Variants in SNX29 observed in about 807,000 individuals in gnomAD.
SNX29 encodes sorting nexin-29.
In SNX29, 78 loss-of-function variants were observed where a neutral mutation model predicts 102.1. The observed-to-expected ratio is 0.76, with a 90% CI of 0.64 to 0.92. SNX29 has a LOEUF of 0.92. Among genes scored for constraint, SNX29 ranks in the 40% least tolerant of loss-of-function variants. SNX29 has a pLI of 0.00. For synonymous variants in SNX29, 580 were observed against 414.5 expected (o/e 1.40, Z -4.85); for missense variants, 1,280 against 1,061.7 (o/e 1.21, Z -2.86).
At chr16:12,228,577 T>C (rs987186100) in intron 14 of SNX29, among the ~76,000 whole-genome samples, 2 of 152,258 alleles carry the variant, frequency 1.3e-5, no homozygotes, top group African/African-American at 2.4e-5. Context: ...TGACTTCCCG[T>C]TGCAATTAAA....
intron 16 of SNX29, among the ~76,000 whole-genome samples, chr16:12,371,185 G>A (rs1461140919): frequency 6.6e-6 from 1 of 152,248 alleles, no homozygotes; most frequent in African/African-American, 2.4e-5. Context: ...GATCAGCCAA[G>A]GCTTTTGATA....
intron 16 of SNX29, among the ~76,000 whole-genome samples, chr16:12,371,707 G>A (rs1412174422): frequency 1.3e-5 from 2 of 152,124 alleles, no homozygotes; most frequent in African/African-American, 2.4e-5. Context: ...TGTGGGAATC[G>A]CCACACTGTC....
At chr16:12,543,657 G>T (rs920627691) in intron 20 of SNX29, among the ~76,000 whole-genome samples, 1 of 152,212 alleles carries the variant, frequency 6.6e-6, no homozygotes, top group Non-Finnish European at 1.5e-5. Context: ...GTCTCCAGAC[G>T]CTCTTCCAGC....
chr16:12,571,352 C>G lies in SNX29; in HGVS notation c.*2723C>G, dbSNP rs577529866. 1 of 231,172 alleles carries G rather than the reference C, an allele frequency of 4.3e-6. No individual in the cohort carries two copies. The highest frequency in any genetic ancestry group is 6.1e-5 in the East Asian group (1 of 16,330). The allele number at this position is 231,172 out of a possible 1,614,324, so 14.3% of individuals were successfully genotyped here. A position where few individuals can be genotyped will look rare whatever the true frequency, so the allele number is the denominator to read the frequency against. ...GGATTCAATTCTGAGGGCTAAGCCA[C>G]GACCTTATCCATGAGTGGCGAAGAC... is the stretch of plus-strand genomic sequence containing the variant. On this transcript the variant is annotated 3_prime_UTR_variant, in exon 21 of 21. Coordinates refer to ENST00000566228, the MANE Select transcript of SNX29 (RefSeq NM_032167.5).
intron 14 of SNX29, among the ~76,000 whole-genome samples, chr16:12,211,419 C>CT (rs1202990259): frequency 2.0e-5 from 3 of 152,098 alleles, no homozygotes; most frequent in African/African-American, 7.2e-5. Context: ...TTCCCTGCAG[C>CT]TTTTTTCCTT....
At chr16:12,225,720 G>A (rs1055971468) in intron 14 of SNX29, among the ~76,000 whole-genome samples, 3 of 152,172 alleles carry the variant, frequency 2.0e-5, no homozygotes, top group African/African-American at 4.8e-5. Flanking sequence ...TTCTGGCATC[G>A]CATGAAGATT....
At chr16:12,406,871 T>C (rs1490842995) in intron 18 of SNX29, among the ~76,000 whole-genome samples, 1 of 152,172 alleles carries the variant, frequency 6.6e-6, no homozygotes, top group Non-Finnish European at 1.5e-5. Context: ...ATCGCGCCAC[T>C]ACACTCAAGC....
intron 18 of SNX29, among the ~76,000 whole-genome samples, chr16:12,453,588 C>G (rs896096960): frequency 2.6e-5 from 4 of 151,842 alleles, no homozygotes; most frequent in Non-Finnish European, 5.9e-5. Context: ...ACTGTGTTGC[C>G]CAGGCTGGTC....
intron 15 of SNX29, among the ~76,000 whole-genome samples, chr16:12,354,201 C>T (rs986575806): frequency 1.3e-5 from 2 of 152,176 alleles, no homozygotes; most frequent in African/African-American, 2.4e-5. Context: ...CTGTTGATAC[C>T]AATGGCTGTA....
chr16:12,056,518 G>A (rs927001022), intron 8 of SNX29, among the ~76,000 whole-genome samples: 9 of 152,138 alleles, frequency 5.9e-5, no homozygotes, highest in African/African-American at 2.2e-4. Context: ...AAGGTTGAGG[G>A]GGCTGGTGCA....
chr16:12,382,659 C>T (rs2083210538), intron 16 of SNX29, among the ~76,000 whole-genome samples: 1 of 152,220 alleles, frequency 6.6e-6, no homozygotes, highest in African/African-American at 2.4e-5. Flanking sequence ...CGTTTATTTG[C>T]TCGCAGTTCT....
chr16:12,199,546 G>T, intron 13 of SNX29, 55 bp from the exon 14 acceptor site: 2 of 1,504,272 alleles, frequency 1.3e-6, no homozygotes, highest in Admixed American at 2.0e-5. Flanking sequence ...CCCTCCTGTG[G>T]GTCCACATTG....
Position 12,570,581 on chromosome 16 carries a change from C to T in SNX29, c.*1952C>T, listed in dbSNP as rs141460054. 1 of 232,162 alleles carries T rather than the reference C, an allele frequency of 4.3e-6. No homozygotes were observed. The highest frequency in any genetic ancestry group is 6.1e-5 in the East Asian group (1 of 16,430). 14.4% of individuals were successfully genotyped at this position (232,162 alleles called of 1,614,324 possible). On this transcript the variant is annotated 3_prime_UTR_variant, in exon 21 of 21. Coordinates refer to ENST00000566228, the MANE Select transcript of SNX29 (RefSeq NM_032167.5). The stretch of plus-strand genomic sequence containing the variant: ...GACTGTCTCAGGAGTGCCTCCCTGG[C>T]CTGGGTAGCTACCCTGGAGGTCATC...
intron 19 of SNX29, 115 bp from the exon 20 acceptor site, chr16:12,524,587 C>G (rs778381176): frequency 1.6e-6 from 2 of 1,220,958 alleles, no homozygotes; most frequent in Non-Finnish European, 2.2e-6. Flanking sequence ...GAGATAGTTG[C>G]TCAATCAGTG....
chr16:12,439,916 T>C (rs1430566137), intron 18 of SNX29, among the ~76,000 whole-genome samples: 1 of 152,136 alleles, frequency 6.6e-6, no homozygotes. Flanking sequence ...TCTCCCTGAG[T>C]ATCTGGTGGG....
rs1355377514 is a variant in SNX29 at position 12,074,017 on chromosome 16, G to T, written c.1320-4816G>T. Among the ~76,000 whole-genome samples, 52 of 151,832 alleles carry T rather than the reference G, an allele frequency of 3.4e-4. 1 individual carries two copies. Among genetic ancestry groups the T allele is most frequent in the Admixed American group, 3.3e-3 (50 of 15,248 alleles). ...CCTGCCTTTTTTTTGTTTTCCATTT[G>T]CTTGGTGGCTCTTCCTCCATCCTTT... On this transcript the variant is annotated intron_variant, in intron 10 of 20. Coordinates refer to ENST00000566228, the MANE Select transcript of SNX29 (RefSeq NM_032167.5).
chr16:12,431,912 G>A (rs548871396), intron 18 of SNX29, among the ~76,000 whole-genome samples: 81 of 152,272 alleles, frequency 5.3e-4, no homozygotes, highest in African/African-American at 1.3e-3. Context: ...GTGAACCCAC[G>A]AACAAAGACT....
At chr16:12,252,416 C>T (rs1050045958) in intron 14 of SNX29, among the ~76,000 whole-genome samples, 3 of 152,200 alleles carry the variant, frequency 2.0e-5, no homozygotes, top group Non-Finnish European at 2.9e-5. Flanking sequence ...CAACTGGCTT[C>T]TTGACCTTTC....
At chr16:12,556,182 T>C (rs1446039872) in intron 20 of SNX29, among the ~76,000 whole-genome samples, 5 of 152,200 alleles carry the variant, frequency 3.3e-5, no homozygotes, top group African/African-American at 1.2e-4. Flanking sequence ...ACATCCCAGA[T>C]GTTGCTGAGT....
Sources: allele counts gnomAD v4.1 joint callset (sites outside exome capture counted in the v4.1 genomes callset), GRCh38; gene constraint gnomAD v4.1.1; transcripts MANE v1.5; gene names NCBI Gene and HGNC (gene_info 2026-07-23, HGNC 2026-07-21).